The following RABGAP1L variants were observed in gnomAD, a reference collection of about 807,000 sequenced individuals.
RABGAP1L encodes RAB GTPase activating protein 1 like, also known as rab GTPase-activating protein 1-like.
Under a neutral mutation model 137.7 loss-of-function variants are expected in RABGAP1L, and 63 were observed. That is an observed-to-expected ratio of 0.46 (90% CI 0.37 to 0.56). The LOEUF (loss-of-function observed/expected upper bound fraction) is 0.56, where lower values mean the gene tolerates loss of function less well. Ranked by LOEUF, RABGAP1L falls within the 20% of genes least tolerant of loss-of-function variation. The pLI is 0.00. For missense variants in RABGAP1L, 1,095 were observed against 1,244.0 expected (o/e 0.88, Z 1.80); for synonymous variants, 431 against 433.7 (o/e 0.99, Z 0.08).
At chr1:174,299,270 G>A (rs1314701767) in intron 10 of RABGAP1L, among the ~76,000 whole-genome samples, 1 of 152,184 alleles carries the variant, frequency 6.6e-6, no homozygotes, top group Non-Finnish European at 1.5e-5. Context: ...TGAGTTGGGT[G>A]ATTCTCTCCT....
chr1:174,233,806 G>T (rs1670905515), intron 4 of RABGAP1L, among the ~76,000 whole-genome samples: 1 of 126,998 alleles, frequency 7.9e-6, no homozygotes, highest in South Asian at 2.5e-4. Flanking sequence ...GGGTCAAATG[G>T]TATTTCTAGT....
chr1:174,613,538 T>A (rs1182101859), intron 13 of RABGAP1L, among the ~76,000 whole-genome samples: 1 of 152,178 alleles, frequency 6.6e-6, no homozygotes, highest in East Asian at 1.9e-4. Flanking sequence ...ATTCTGTTGA[T>A]TTGGGGTGGA....
chr1:174,649,894 G>A (rs1675315342), intron 14 of RABGAP1L, among the ~76,000 whole-genome samples: 2 of 152,168 alleles, frequency 1.3e-5, no homozygotes, highest in South Asian at 4.2e-4. Context: ...GTGAGAGAGG[G>A]CATCCCTGTC....
chr1:174,268,185 T>C (rs1256074722), intron 7 of RABGAP1L, among the ~76,000 whole-genome samples: 2 of 152,086 alleles, frequency 1.3e-5, no homozygotes, highest in African/African-American at 4.8e-5. Context: ...CCCTTTCTAT[T>C]ATGCTGTCAC....
intron 13 of RABGAP1L, among the ~76,000 whole-genome samples, chr1:174,544,407 G>T (rs747288917): frequency 6.6e-6 from 1 of 152,014 alleles, no homozygotes; most frequent in African/African-American, 2.4e-5. Flanking sequence ...AAGCTTGTGC[G>T]TGCATCATGT....
chr1:174,497,012 C>T (rs991115079), intron 13 of RABGAP1L, among the ~76,000 whole-genome samples: 1 of 152,210 alleles, frequency 6.6e-6, no homozygotes, highest in East Asian at 1.9e-4. Flanking sequence ...TATCACCCTT[C>T]TCCAGCATAC....
intron 19 of RABGAP1L, among the ~76,000 whole-genome samples, chr1:174,943,623 CAGG>C (rs1666250529): frequency 6.6e-6 from 1 of 152,032 alleles, no homozygotes; most frequent in Non-Finnish European, 1.5e-5. Context: ...ATCACGAGGT[CAGG>C]AGTTCGAGAC....
rs373026893 is a variant in RABGAP1L at position 174,361,669 on chromosome 1, G to T, written c.1466-9310G>T. On this transcript the variant is annotated intron_variant, in intron 11 of 25. Transcript: ENST00000681986. ...TTTATTGAATTTATCAGTTCTAGTG[G>T]TTTTTTTAGTGGAGACTTCAGTTTT... 2.6e-5 allele frequency among the ~76,000 whole-genome samples: 4 copies of T among 151,974 alleles called. No individual in the cohort carries two copies. The South Asian group carries it at 6.2e-4, about 24-fold the overall frequency.
chr1:174,427,865 G>A (rs1652143106), intron 13 of RABGAP1L, among the ~76,000 whole-genome samples: 1 of 152,090 alleles, frequency 6.6e-6, no homozygotes, highest in Admixed American at 6.5e-5. Context: ...TTGCCACTGA[G>A]GATAACAGCA....
At chr1:174,650,789 C>T (rs1421734818) in intron 14 of RABGAP1L, among the ~76,000 whole-genome samples, 1 of 148,548 alleles carries the variant, frequency 6.7e-6, no homozygotes, top group African/African-American at 2.5e-5. Context: ...AAACCAGCTC[C>T]TGGATTCATT....
intron 13 of RABGAP1L, among the ~76,000 whole-genome samples, chr1:174,578,507 A>G (rs1321577548): frequency 2.6e-5 from 4 of 152,270 alleles, no homozygotes; most frequent in African/African-American, 9.6e-5. Context: ...GAAAATAAGC[A>G]TAAGAAACAT....
At chr1:174,248,438 G>A (rs1286146258) in intron 5 of RABGAP1L, among the ~76,000 whole-genome samples, 1 of 152,126 alleles carries the variant, frequency 6.6e-6, no homozygotes, top group Non-Finnish European at 1.5e-5. Flanking sequence ...ACTCATATAA[G>A]ATTAAAATGG....
intron 15 of RABGAP1L, among the ~76,000 whole-genome samples, chr1:174,692,675 C>T (rs1418301073): frequency 1.3e-5 from 2 of 152,020 alleles, no homozygotes; most frequent in Non-Finnish European, 2.9e-5. Context: ...AAAATTTTAC[C>T]TATGCATCTG....
At chr1:174,161,388 A>G (rs1054579210) in intron 1 of RABGAP1L, among the ~76,000 whole-genome samples, 19 of 152,096 alleles carry the variant, frequency 1.2e-4, no homozygotes, top group African/African-American at 4.6e-4. Flanking sequence ...GACTACAGGC[A>G]TGCGCCGCCA....
intron 17 of RABGAP1L, among the ~76,000 whole-genome samples, chr1:174,736,683 C>G (rs1682972643): frequency 6.6e-6 from 1 of 152,262 alleles, no homozygotes; most frequent in Non-Finnish European, 1.5e-5. Flanking sequence ...TGCCTGGGCA[C>G]TGAGGCTTTT....
chr1:174,377,779 TTTA>T (rs564468867), intron 12 of RABGAP1L, among the ~76,000 whole-genome samples: 14 of 151,554 alleles, frequency 9.2e-5, no homozygotes, highest in Middle Eastern at 3.4e-3. Flanking sequence ...TTTTTAAGAT[TTTA>T]TTATTATTAT....
intron 13 of RABGAP1L, among the ~76,000 whole-genome samples, chr1:174,570,122 A>C (rs1013363558): frequency 1.3e-5 from 2 of 152,206 alleles, no homozygotes; most frequent in African/African-American, 4.8e-5. Flanking sequence ...TTGAAATTAT[A>C]CCAGTTGACC....
At position 174,864,289 on chromosome 1, in the gene RABGAP1L, C is replaced by T. The variant is rs532683670; in HGVS notation, c.2340+52329C>T. ...TTTACTTGTCTGAGGTTAAGTCTCC[C>T]CACTATGACATATAAAGCTGTATTA... is the stretch of plus-strand genomic sequence containing the variant. On this transcript the variant is annotated intron_variant, in intron 19 of 25. Coordinates refer to ENST00000681986, the MANE Select transcript of RABGAP1L (RefSeq NM_001366446.1). 2.6e-5 allele frequency among the ~76,000 whole-genome samples: 4 copies of T among 152,244 alleles called. No individual in the cohort carries two copies. The East Asian group carries it at 7.7e-4, about 29-fold the overall frequency.
intron 19 of RABGAP1L, among the ~76,000 whole-genome samples, chr1:174,831,513 A>G (rs1692111425): frequency 6.7e-6 from 1 of 148,402 alleles, no homozygotes; most frequent in East Asian, 2.1e-4. Context: ...AAAGCTTTCC[A>G]TATAATATCA....
Sources: gnomAD v4.1 joint callset for allele counts (sites outside exome capture counted in the v4.1 genomes callset) on GRCh38, gnomAD v4.1.1 for gene constraint, MANE v1.5 for transcripts, NCBI Gene and HGNC (gene_info 2026-07-23, HGNC 2026-07-21) for gene names.